The following SPMIP11 variants were observed in gnomAD, a reference collection of about 807,000 sequenced individuals.
The protein encoded by SPMIP11 is sperm microtubule inner protein 11.
At chr12:48,753,547 G>T in the SPMIP11 span, among the ~76,000 whole-genome samples, 56 of 152,110 alleles carry the variant, frequency 3.7e-4, no homozygotes, top group Non-Finnish European at 1.0e-4. Context: ...AGCCTGGCTG[G>T]AATGTCTTCT....
At chr12:48,741,348 G>A in the SPMIP11 span, among the ~76,000 whole-genome samples, 3 of 152,126 alleles carry the variant, frequency 2.0e-5, no homozygotes, top group East Asian at 5.8e-4. Flanking sequence ...ACCATGCCTG[G>A]CCAATACTGA....
chr12:48,744,115 G>A, the SPMIP11 span, among the ~76,000 whole-genome samples: 1 of 151,014 alleles, frequency 6.6e-6, no homozygotes, highest in Non-Finnish European at 1.5e-5. Context: ...GGGCATGGTG[G>A]AGCATGCCTG....
At chr12:48,764,101 G>A in the SPMIP11 span, among the ~76,000 whole-genome samples, 1 of 151,276 alleles carries the variant, frequency 6.6e-6, no homozygotes, top group African/African-American at 2.4e-5. Context: ...TCCTGCCTCA[G>A]CCTCCTGAGT....
chr12:48,757,277 T>C, the SPMIP11 span, among the ~76,000 whole-genome samples: 3 of 152,154 alleles, frequency 2.0e-5, no homozygotes, highest in African/African-American at 7.2e-5. Flanking sequence ...TAAATTTTTT[T>C]CAAACTCATC....
At chr12:48,771,450 T>G in the SPMIP11 span, 1 of 600,976 alleles carries the variant, frequency 1.7e-6, no homozygotes. This position sits in a 1 kb window ranked among gnomAD's most constrained non-coding sequence, Gnocchi z 4.3. Context: ...ATCCACCTGG[T>G]ACCTATCCTA....
the SPMIP11 span, among the ~76,000 whole-genome samples, chr12:48,738,924 CT>C: frequency 2.9e-4 from 43 of 146,696 alleles, no homozygotes; most frequent in South Asian, 8.6e-4. Flanking sequence ...CATATCAGAA[CT>C]TTTTTTTTTT....
At chr12:48,759,113 ATC>A in the SPMIP11 span, 1 of 658,020 alleles carries the variant, frequency 1.5e-6, no homozygotes, top group African/African-American at 1.8e-5. Flanking sequence ...GCTAGGAGAG[ATC>A]CCTGCTATGC....
chr12:48,759,433 A>G, the SPMIP11 span: 3 of 650,812 alleles, frequency 4.6e-6, no homozygotes, highest in African/African-American at 5.4e-5. Context: ...TCATGTCTGT[A>G]ATCCTAGCAC....
At chr12:48,728,639 C>T in the SPMIP11 span, among the ~76,000 whole-genome samples, 3 of 135,766 alleles carry the variant, frequency 2.2e-5, no homozygotes, top group Admixed American at 2.5e-4. Flanking sequence ...ACCCGGGAGG[C>T]GGAGCTTGCA....
chr12:48,739,576 GC>G, the SPMIP11 span, among the ~76,000 whole-genome samples: 8 of 152,136 alleles, frequency 5.3e-5, no homozygotes, highest in African/African-American at 1.9e-4. Flanking sequence ...AGGACGCATA[GC>G]CGGGGAAGCC....
chr12:48,735,876 T>G, the SPMIP11 span, among the ~76,000 whole-genome samples: 1 of 151,950 alleles, frequency 6.6e-6, no homozygotes, highest in South Asian at 2.1e-4. Context: ...AAAGGGAGAC[T>G]CCCTCTCAAA....
the SPMIP11 span, among the ~76,000 whole-genome samples, chr12:48,730,307 T>C: frequency 1.3e-5 from 2 of 152,146 alleles, no homozygotes; most frequent in African/African-American, 4.8e-5. Flanking sequence ...CTCATTCTGG[T>C]GACAGAAAAT....
the SPMIP11 span, chr12:48,771,188 CAGT>C: frequency 1.7e-6 from 1 of 583,518 alleles, no homozygotes; most frequent in Non-Finnish European, 3.1e-6. The surrounding 1 kb of genome is among the most constrained non-coding windows in gnomAD (Gnocchi z 4.3). Context: ...AAGGTCCCTC[CAGT>C]AGCTCACTCA....
the SPMIP11 span, among the ~76,000 whole-genome samples, chr12:48,750,343 ACT>A: frequency 1.3e-5 from 2 of 151,640 alleles, no homozygotes; most frequent in Non-Finnish European, 2.9e-5. Flanking sequence ...ACAGAATGAG[ACT>A]CTCTCTCTCT....
the SPMIP11 span, chr12:48,764,756 G>A: frequency 5.8e-5 from 37 of 634,390 alleles, no homozygotes; most frequent in East Asian, 5.5e-4. Context: ...CCAAGCAGTT[G>A]CTGGGCTGGG....
the SPMIP11 span, chr12:48,765,822 T>C: frequency 1.6e-6 from 1 of 621,210 alleles, no homozygotes; most frequent in South Asian, 1.8e-5. Flanking sequence ...AGCTGTGGGG[T>C]CAGGATGGGA....
chr12:48,757,466 T>C, the SPMIP11 span, among the ~76,000 whole-genome samples: 1 of 150,300 alleles, frequency 6.7e-6, no homozygotes, highest in Non-Finnish European at 1.5e-5. Context: ...GCCAATATGG[T>C]GAAATCCTGT....
chr12:48,752,256 C>T, the SPMIP11 span, among the ~76,000 whole-genome samples: 6 of 152,146 alleles, frequency 3.9e-5, no homozygotes, highest in African/African-American at 7.2e-5. Flanking sequence ...TATCTTTGTC[C>T]GCTACTCAAG....
At chr12:48,731,736 C>T in the SPMIP11 span, among the ~76,000 whole-genome samples, 1 of 152,156 alleles carries the variant, frequency 6.6e-6, no homozygotes, top group Non-Finnish European at 1.5e-5. Flanking sequence ...TCTGACCCCT[C>T]ATCTCTCTCC....
Sources: gnomAD v4.1 joint callset for allele counts (sites outside exome capture counted in the v4.1 genomes callset) on GRCh38, gnomAD v4.1.1 for gene constraint, Gnocchi (gnomAD v3.1) non-coding constraint, MANE v1.5 for transcripts, NCBI Gene and HGNC (gene_info 2026-07-23, HGNC 2026-07-21) for gene names.